Variants in RAPGEF4 observed in about 807,000 individuals in gnomAD.
The protein encoded by RAPGEF4 is RAP guanine-nucleotide-exchange factor (GEF) 4.
Under a neutral mutation model 147.9 loss-of-function variants are expected in RAPGEF4, and 66 were observed. The ratio of observed to expected loss-of-function variants is 0.45; its 90% CI spans 0.37 to 0.55. The LOEUF (loss-of-function observed/expected upper bound fraction) is 0.55, where lower values mean the gene tolerates loss of function less well. RAPGEF4 is among the 20% of genes least tolerant of loss of function. The pLI is 0.00. For synonymous variants in RAPGEF4, 419 were observed against 442.7 expected (o/e 0.95, Z 0.67); for missense variants, 1,071 against 1,257.3 (o/e 0.85, Z 2.24).
intron 1 of RAPGEF4, among the ~76,000 whole-genome samples, chr2:172,780,297 AT>A (rs996733399): frequency 9.0e-4 from 137 of 152,350 alleles, no homozygotes; most frequent in African/African-American, 3.2e-3. Context: ...AGAAGAATAC[AT>A]TTTAGAGAAG....
intron 1 of RAPGEF4, among the ~76,000 whole-genome samples, chr2:172,781,741 T>TACAC (rs200258797): frequency 3.3e-5 from 5 of 151,934 alleles, no homozygotes; most frequent in African/African-American, 9.7e-5. Context: ...CCTACCTACC[T>TACAC]ACACACACAC....
At chr2:172,955,930 T>C (rs1288573055) in intron 6 of RAPGEF4, among the ~76,000 whole-genome samples, 1 of 152,230 alleles carries the variant, frequency 6.6e-6, no homozygotes, top group Non-Finnish European at 1.5e-5. Flanking sequence ...TGCCCTTTGG[T>C]TCTGCCTTTG....
chr2:172,806,040 T>C (rs893870608), intron 3 of RAPGEF4, among the ~76,000 whole-genome samples: 4 of 151,706 alleles, frequency 2.6e-5, no homozygotes, highest in African/African-American at 9.7e-5. Context: ...TGTGTGTGTG[T>C]GTGTGTGTGT....
At chr2:172,831,266 C>CTTTGTTTTTTTTTT (rs1690281615) in intron 4 of RAPGEF4, among the ~76,000 whole-genome samples, 1 of 53,876 alleles carries the variant, frequency 1.9e-5, no homozygotes, top group Non-Finnish European at 3.6e-5. Flanking sequence ...AGATAGAAAA[C>CTTTGTTTTTTTTTT]TTTTTTTTTT....
chr2:172,776,508 T>A (rs956820539), intron 1 of RAPGEF4, among the ~76,000 whole-genome samples: 3 of 152,174 alleles, frequency 2.0e-5, no homozygotes, highest in Non-Finnish European at 4.4e-5. Flanking sequence ...TTTCTTTAAA[T>A]TTTTTTCCCC....
intron 10 of RAPGEF4, among the ~76,000 whole-genome samples, chr2:172,977,788 A>G (rs991286671): frequency 6.6e-6 from 1 of 151,996 alleles, no homozygotes; most frequent in African/African-American, 2.4e-5. Context: ...CTGTGTATAT[A>G]CTCATTTTTT....
chr2:172,984,575 C>A (rs1203571313), intron 11 of RAPGEF4, among the ~76,000 whole-genome samples: 1 of 152,218 alleles, frequency 6.6e-6, no homozygotes, highest in Non-Finnish European at 1.5e-5. Context: ...TCCAGCCCAG[C>A]CTCCCACCTA....
At position 172,883,587 on chromosome 2, in the gene RAPGEF4, G is replaced by A. The variant is rs578042486; in HGVS notation, c.445-34215G>A. Among the ~76,000 whole-genome samples, 7 of 152,266 alleles carry A rather than the reference G, an allele frequency of 4.6e-5. No individual in the cohort carries two copies. In the South Asian group the frequency reaches 8.3e-4, roughly 18 times the overall value. On this transcript the variant is annotated intron_variant, in intron 4 of 30. Transcript: ENST00000397081. Reference sequence around the variant, plus strand: ...AGAAAAGACCAATTCATGGTCAAACGTTAATAGAGGAAGGAAAATAGGACC... The same window carrying A: ...AGAAAAGACCAATTCATGGTCAAACATTAATAGAGGAAGGAAAATAGGACC...
chr2:172,934,276 A>G (rs1686300877), intron 6 of RAPGEF4, among the ~76,000 whole-genome samples: 1 of 143,008 alleles, frequency 7.0e-6, no homozygotes, highest in South Asian at 2.2e-4. Context: ...CAGCCTCCCA[A>G]GTAGCTGGGA....
At chr2:172,938,956 T>C (rs1471562216) in intron 6 of RAPGEF4, among the ~76,000 whole-genome samples, 1 of 152,234 alleles carries the variant, frequency 6.6e-6, no homozygotes, top group Admixed American at 6.5e-5. Flanking sequence ...CACTTAGCAA[T>C]ATGCACTTAA....
intron 1 of RAPGEF4, among the ~76,000 whole-genome samples, chr2:172,782,589 T>A (rs1463351839): frequency 1.3e-5 from 2 of 152,296 alleles, no homozygotes; most frequent in East Asian, 3.9e-4. Context: ...AATTTGAGTG[T>A]AGCACTAAGT....
At chr2:172,756,598 T>C (rs1431391775) in intron 1 of RAPGEF4, among the ~76,000 whole-genome samples, 3 of 152,180 alleles carry the variant, frequency 2.0e-5, no homozygotes, top group African/African-American at 7.2e-5. Flanking sequence ...GTCTTGTACT[T>C]CTCTTGTAGG....
intron 17 of RAPGEF4, among the ~76,000 whole-genome samples, chr2:173,004,247 G>C (rs933028525): frequency 3.3e-5 from 5 of 152,072 alleles, no homozygotes; most frequent in African/African-American, 9.7e-5. Context: ...TAATGAGAGA[G>C]ACTCTCTATT....
At chr2:172,765,202 C>T (rs1696712197) in intron 1 of RAPGEF4, among the ~76,000 whole-genome samples, 1 of 152,182 alleles carries the variant, frequency 6.6e-6, no homozygotes, top group Admixed American at 6.5e-5. Flanking sequence ...CTCTCCTTTT[C>T]TCAGAAGGAC....
chr2:172,762,934 G>A (rs1391861198), intron 1 of RAPGEF4, among the ~76,000 whole-genome samples: 1 of 152,208 alleles, frequency 6.6e-6, no homozygotes, highest in Non-Finnish European at 1.5e-5. Context: ...TGACCATGAA[G>A]GCCAGTGTGC....
chr2:172,850,343 CGTG>C (rs1351172733), intron 4 of RAPGEF4, among the ~76,000 whole-genome samples: 3 of 152,090 alleles, frequency 2.0e-5, no homozygotes, highest in Non-Finnish European at 4.4e-5. Flanking sequence ...TCAGGCCAGG[CGTG>C]GTGGCTCATG....
At chr2:173,014,235 G>C (rs912540826) in intron 17 of RAPGEF4, among the ~76,000 whole-genome samples, 2 of 152,158 alleles carry the variant, frequency 1.3e-5, no homozygotes, top group Non-Finnish European at 2.9e-5. Flanking sequence ...GTCTGTGAAA[G>C]TCTAATCCCT....
intron 29 of RAPGEF4, 169 bp downstream of exon 29, chr2:173,036,861 G>GAGAA: frequency 2.0e-6 from 1 of 505,990 alleles, no homozygotes; most frequent in Non-Finnish European, 3.5e-6. Flanking sequence ...TATTCTGTCA[G>GAGAA]TTCTCTTTTG....
At chr2:172,821,651 C>A (rs1259258687) in intron 4 of RAPGEF4, 4 of 1,025,436 alleles carry the variant, frequency 3.9e-6, no homozygotes, top group Non-Finnish European at 4.6e-6. Flanking sequence ...GGTCTCATTC[C>A]TGTGTCTTCA....
Sources: gnomAD v4.1 joint callset for allele counts (sites outside exome capture counted in the v4.1 genomes callset) on GRCh38, gnomAD v4.1.1 for gene constraint, MANE v1.5 for transcripts, NCBI Gene and HGNC (gene_info 2026-07-23, HGNC 2026-07-21) for gene names.